Variants in COX10 observed in about 807,000 individuals in gnomAD.
COX10 encodes protoheme IX farnesyltransferase, mitochondrial.
COX10 carries 27 observed loss-of-function variants against 37.3 expected under a neutral mutation model. The observed-to-expected ratio is 0.72, with a 90% confidence interval of 0.53 to 1.00. COX10 has a LOEUF of 1.00. Among genes scored for constraint, COX10 ranks in the 50% least tolerant of loss-of-function variants. COX10 has a pLI of 0.00. For missense variants in COX10, 475 were observed against 563.2 expected, an observed-to-expected ratio of 0.84 and a Z score of 1.59; for synonymous variants, 222 against 229.1, an observed-to-expected ratio of 0.97 and a Z score of 0.28.
chr17:14,086,184 G>T (rs559292332), intron 3 of COX10, among the ~76,000 whole-genome samples: 5 of 152,070 alleles, frequency 3.3e-5, no homozygotes, highest in African/African-American at 9.6e-5. Context: ...GTAACCAAAG[G>T]TATTTTCTTA....
chr17:14,205,986 A>T (rs2142272533), intron 6 of COX10, among the ~76,000 whole-genome samples: 1 of 152,250 alleles, frequency 6.6e-6, no homozygotes, highest in Admixed American at 6.5e-5. Context: ...AGCCATAGAC[A>T]AGTTATCATT....
At chr17:14,123,286 T>A (rs770354726) in intron 4 of COX10, among the ~76,000 whole-genome samples, 1 of 152,150 alleles carries the variant, frequency 6.6e-6, no homozygotes, top group East Asian at 1.9e-4. Flanking sequence ...AACTCTTGAT[T>A]TGGGGAAGTT....
intron 3 of COX10, among the ~76,000 whole-genome samples, chr17:14,081,402 A>G (rs537200891): frequency 6.6e-6 from 1 of 152,374 alleles, no homozygotes; most frequent in Admixed American, 6.5e-5. Context: ...CCTTAGCTAG[A>G]TGAAGTGGAT....
In COX10 at chr17:14,108,620, CAT is replaced by C. The variant is rs146265864; in HGVS notation, c.624+6379_624+6380del. Among the ~76,000 whole-genome samples, 655 of 152,000 alleles carry C rather than the reference CAT, an allele frequency of 4.3e-3. 22 individuals carry two copies. In the East Asian group the frequency reaches 0.082, roughly 19 times the overall value. The stretch of plus-strand genomic sequence containing the variant: ...TGAATAAAATAGGGTCAAGAAGAGA[CAT>C]GTTTTTTGTTTAATACTGACAATAT... On this transcript the variant is annotated intron_variant, in intron 4 of 6. Coordinates refer to ENST00000261643, the MANE Select transcript of COX10 (RefSeq NM_001303.4).
chr17:14,083,091 A>G (rs1008686509), intron 3 of COX10, among the ~76,000 whole-genome samples: 1 of 152,218 alleles, frequency 6.6e-6, no homozygotes, highest in Non-Finnish European at 1.5e-5. Flanking sequence ...GCAAAGCAAG[A>G]CGGATGCACC....
At chr17:14,191,156 A>G (rs1906189000) in intron 5 of COX10, among the ~76,000 whole-genome samples, 1 of 152,126 alleles carries the variant, frequency 6.6e-6, no homozygotes, top group Admixed American at 6.5e-5. Flanking sequence ...CAATTTATCT[A>G]GACTCTCAAA....
intron 1 of COX10, 76 bp downstream of exon 1, chr17:14,069,724 T>A: frequency 6.3e-7 from 1 of 1,588,142 alleles, no homozygotes; most frequent in African/African-American, 1.3e-5. Context: ...TGGTTCCGGC[T>A]GGCTGCAACC....
intron 4 of COX10, among the ~76,000 whole-genome samples, chr17:14,131,586 C>G (rs1285833586): frequency 6.6e-6 from 1 of 151,888 alleles, no homozygotes; most frequent in Non-Finnish European, 1.5e-5. Flanking sequence ...ATAAAATACA[C>G]TGGGTGAAGC....
intron 3 of COX10, among the ~76,000 whole-genome samples, chr17:14,089,881 C>G (rs1485598420): frequency 1.3e-5 from 2 of 152,130 alleles, no homozygotes; most frequent in Admixed American, 6.5e-5. Context: ...ATCTGTAGAA[C>G]CGATTCAACA....
At chr17:14,124,389 T>TAGGA (rs1173411807) in intron 4 of COX10, among the ~76,000 whole-genome samples, 1 of 152,172 alleles carries the variant, frequency 6.6e-6, no homozygotes, top group Non-Finnish European at 1.5e-5. Context: ...AGTAAGTTTT[T>TAGGA]TCCTAATTTC....
intron 6 of COX10, among the ~76,000 whole-genome samples, chr17:14,205,996 T>A (rs899108795): frequency 3.3e-5 from 5 of 152,170 alleles, no homozygotes; most frequent in African/African-American, 1.2e-4. Context: ...AAGTTATCAT[T>A]GTACTCTGGG....
At chr17:14,187,171 C>T (rs1188287333) in intron 5 of COX10, among the ~76,000 whole-genome samples, 3 of 151,560 alleles carry the variant, frequency 2.0e-5, no homozygotes, top group Non-Finnish European at 4.4e-5. Context: ...CCTGACAGTA[C>T]GTGTCAAAAT....
At chr17:14,126,408 C>T (rs182219710) in intron 4 of COX10, among the ~76,000 whole-genome samples, 262 of 152,190 alleles carry the variant, frequency 1.7e-3, no homozygotes, top group Middle Eastern at 0.01. Flanking sequence ...AGATGTATAA[C>T]GTATATTTTA....
chr17:14,116,654 TACAC>T (rs71352451), intron 4 of COX10, among the ~76,000 whole-genome samples: 16,809 of 150,462 alleles, frequency 0.11, 1,040 homozygotes, highest in South Asian at 0.16. Context: ...TGCATGCATG[TACAC>T]ACACACACAC....
intron 4 of COX10, among the ~76,000 whole-genome samples, chr17:14,114,753 G>A (rs1284101952): frequency 2.0e-5 from 3 of 152,022 alleles, no homozygotes; most frequent in Non-Finnish European, 4.4e-5. Flanking sequence ...TTAAGTTATG[G>A]TAATTAGGGT....
chr17:14,205,252 G>A (rs374203328), intron 6 of COX10, among the ~76,000 whole-genome samples: 345 of 152,118 alleles, frequency 2.3e-3, no homozygotes, highest in Middle Eastern at 6.8e-3. Flanking sequence ...AAACCTTCCA[G>A]CCCCAAGGCC....
rs369162134 is a variant in COX10, at chr17:14,079,426, C to A, written c.499+2370C>A. Among the ~76,000 whole-genome samples, 56 of 152,212 alleles carry A rather than the reference C, an allele frequency of 3.7e-4. No individual in the cohort carries two copies. In the East Asian group the frequency reaches 5.8e-3, roughly 16 times the overall value. ...GGAGTCTCAGTTATCCTGGCACATT[C>A]AAAAAGCTGCACTGGGACTATGAGT... is the stretch of plus-strand genomic sequence containing the variant. On this transcript the variant is annotated intron_variant, in intron 3 of 6. Coordinates refer to ENST00000261643, the MANE Select transcript of COX10 (RefSeq NM_001303.4).
chr17:14,130,267 G>A (rs1916434804), intron 4 of COX10, among the ~76,000 whole-genome samples: 1 of 152,048 alleles, frequency 6.6e-6, no homozygotes, highest in Non-Finnish European at 1.5e-5. Context: ...CTGGATATGT[G>A]TTGTTCTTAG....
chr17:14,162,626 T>C (rs1048657966), intron 5 of COX10, among the ~76,000 whole-genome samples: 17 of 151,810 alleles, frequency 1.1e-4, no homozygotes, highest in African/African-American at 3.9e-4. Context: ...TCCCTGCTTT[T>C]TTTTTTTTTT....
Sources: allele counts gnomAD v4.1 joint callset (sites outside exome capture counted in the v4.1 genomes callset), GRCh38; gene constraint gnomAD v4.1.1; transcripts MANE v1.5; gene names NCBI Gene and HGNC (gene_info 2026-07-23, HGNC 2026-07-21).